The following MED12L variants were observed in gnomAD, a reference collection of about 807,000 sequenced individuals.
MED12L encodes the protein mediator of RNA polymerase II transcription subunit 12-like protein.
Under a neutral mutation model 281.3 loss-of-function variants are expected in MED12L, and 60 were observed. That is an observed-to-expected ratio of 0.21 (90% CI 0.17 to 0.26). MED12L has a LOEUF of 0.26. Among genes scored for constraint, MED12L ranks in the 10% least tolerant of loss-of-function variants. The probability of loss-of-function intolerance (pLI) is 1.00; values close to 1 mark genes in which losing one functional copy is unlikely to be tolerated. For missense variants in MED12L, 2,146 were observed against 2,680.9 expected (o/e 0.80, Z 4.41); for synonymous variants, 974 against 987.2 (o/e 0.99, Z 0.25).
chr3:151,275,767 C>G (rs1296883235), intron 16 of MED12L, among the ~76,000 whole-genome samples: 1 of 152,114 alleles, frequency 6.6e-6, no homozygotes, highest in Non-Finnish European at 1.5e-5. Context: ...ACTTAGGAAG[C>G]TGAGAATTTA....
intron 2 of MED12L, among the ~76,000 whole-genome samples, chr3:151,111,068 G>A (rs1373720351): frequency 6.6e-6 from 1 of 152,222 alleles, no homozygotes; most frequent in African/African-American, 2.4e-5. Flanking sequence ...GAACTCTGTG[G>A]GTGGGACCAG....
chr3:151,196,254 A>G (rs768125511), intron 16 of MED12L, among the ~76,000 whole-genome samples: 1 of 152,208 alleles, frequency 6.6e-6, no homozygotes, highest in African/African-American at 2.4e-5. Context: ...TACATTTTTT[A>G]ATAGCCTTCC....
At chr3:151,297,447 T>C (rs1278863387) in intron 16 of MED12L, among the ~76,000 whole-genome samples, 3 of 152,184 alleles carry the variant, frequency 2.0e-5, no homozygotes, top group Non-Finnish European at 2.9e-5. Flanking sequence ...CATGTGAGTT[T>C]AAATCGGAAT....
Position 151,324,932 on chromosome 3 carries a change from TA to T in MED12L, c.2251-25125del, listed in dbSNP as rs1749414298. ...AGTATGTTTTTTCTTAAATAATAGA[TA>T]ATACTGACTTTGGGTTTTTTTGCTC... On this transcript the variant is annotated intron_variant, in intron 16 of 44. Coordinates refer to ENST00000687756, the MANE Select transcript of MED12L (RefSeq NM_001393769.1). Among the ~76,000 whole-genome samples, 7 of 152,366 alleles carry T rather than the reference TA, an allele frequency of 4.6e-5. No homozygotes were observed. In the South Asian group the frequency reaches 1.4e-3, roughly 32 times the overall value.
chr3:151,216,828 T>C (rs1035910240), intron 16 of MED12L, among the ~76,000 whole-genome samples: 1 of 152,222 alleles, frequency 6.6e-6, no homozygotes, highest in Non-Finnish European at 1.5e-5. Context: ...CTACTGTGAC[T>C]AAGAGTCTGT....
At chr3:151,350,025 A>T in intron 16 of MED12L, 34 bp from the exon 17 acceptor site, 1 of 1,597,180 alleles carries the variant, frequency 6.3e-7, no homozygotes, top group Non-Finnish European at 8.6e-7. Context: ...ACCCCTGCAG[A>T]CAAGAGTTTC....
intron 16 of MED12L, among the ~76,000 whole-genome samples, chr3:151,271,978 T>C (rs1741035961): frequency 6.6e-6 from 1 of 152,222 alleles, no homozygotes; most frequent in Non-Finnish European, 1.5e-5. Context: ...CTAATTTTCA[T>C]TTATTGTATG....
chr3:151,134,682 G>C (rs1179757642), intron 5 of MED12L, among the ~76,000 whole-genome samples: 1 of 152,194 alleles, frequency 6.6e-6, no homozygotes, highest in Non-Finnish European at 1.5e-5. Context: ...AGTGACTTAG[G>C]TGTATACTTT....
intron 5 of MED12L, among the ~76,000 whole-genome samples, chr3:151,131,189 T>A (rs1343847034): frequency 1.3e-5 from 2 of 152,266 alleles, no homozygotes; most frequent in African/African-American, 4.8e-5. Flanking sequence ...TTTGGTAACA[T>A]GTTCTTGTCA....
At chr3:151,117,807 A>G (rs1713071582) in intron 3 of MED12L, among the ~76,000 whole-genome samples, 1 of 151,838 alleles carries the variant, frequency 6.6e-6, no homozygotes, top group Admixed American at 6.6e-5. Flanking sequence ...AATTAGGAAT[A>G]TAGGCTGGCG....
intron 16 of MED12L, chr3:151,326,759 C>G (rs772003307): frequency 6.6e-6 from 1 of 152,188 alleles, no homozygotes; most frequent in African/African-American, 2.4e-5. Context: ...CTACGATGGT[C>G]GTGTTGGAGC....
At chr3:151,289,491 T>C (rs1466885984) in intron 16 of MED12L, among the ~76,000 whole-genome samples, 1 of 152,186 alleles carries the variant, frequency 6.6e-6, no homozygotes, top group Non-Finnish European at 1.5e-5. Flanking sequence ...TAATTCATCG[T>C]TGGGTAATTG....
intron 16 of MED12L, among the ~76,000 whole-genome samples, chr3:151,306,319 T>G (rs184409931): frequency 1.4e-4 from 22 of 152,328 alleles, no homozygotes; most frequent in African/African-American, 4.6e-4. Flanking sequence ...GTTGATTAGT[T>G]CACACCTGAG....
chr3:151,424,315 A>AT (rs1439630079), intron 43 of MED12L, among the ~76,000 whole-genome samples: 2 of 152,212 alleles, frequency 1.3e-5, no homozygotes, highest in African/African-American at 4.8e-5. Flanking sequence ...TTTCTTACTA[A>AT]ACTGTGTACA....
At chr3:151,337,763 G>T (rs1340995254) in intron 16 of MED12L, 20 of 1,556,104 alleles carry the variant, frequency 1.3e-5, no homozygotes, top group Non-Finnish European at 1.7e-5. Flanking sequence ...TTAGCGCTTT[G>T]CTTTAACGAG....
At chr3:151,364,467 G>A (rs1755037285) in intron 21 of MED12L, among the ~76,000 whole-genome samples, 1 of 152,122 alleles carries the variant, frequency 6.6e-6, no homozygotes, top group Non-Finnish European at 1.5e-5. Flanking sequence ...TGAAGACAAG[G>A]AATGTGCCTC....
chr3:151,237,697 A>G lies in MED12L; in HGVS notation c.2250+44031A>G, dbSNP rs563000801. On this transcript the variant is annotated intron_variant, in intron 16 of 44. Transcript: ENST00000687756. ...GTTACACTAGTTTATATTCCTACCA[A>G]TGATGTGTAGTGATCCTGTGGATAT... Among the ~76,000 whole-genome samples the G allele has an allele frequency of 4.6e-5, 7 of 152,130 alleles. 1 individual carries two copies. In the South Asian group the frequency reaches 6.2e-4, roughly 14 times the overall value.
intron 16 of MED12L, among the ~76,000 whole-genome samples, chr3:151,331,693 T>G (rs1360455072): frequency 6.6e-6 from 1 of 152,172 alleles, no homozygotes; most frequent in African/African-American, 2.4e-5. Flanking sequence ...AACTAAACAT[T>G]TAAGATCCTA....
chr3:151,263,300 C>T (rs1213528411), intron 16 of MED12L, among the ~76,000 whole-genome samples: 1 of 152,194 alleles, frequency 6.6e-6, no homozygotes, highest in African/African-American at 2.4e-5. Flanking sequence ...TGGACCTCCC[C>T]AGAGTGTCTT....
Sources: gnomAD v4.1 joint callset for allele counts (sites outside exome capture counted in the v4.1 genomes callset) on GRCh38, gnomAD v4.1.1 for gene constraint, MANE v1.5 for transcripts, NCBI Gene and HGNC (gene_info 2026-07-23, HGNC 2026-07-21) for gene names.